GOLGA7: variants seen among roughly 807,000 people sequenced by gnomAD.
The protein encoded by GOLGA7 is golgin A7, also known as golgin subfamily A member 7.
Under a neutral mutation model 21.1 loss-of-function variants are expected in GOLGA7, and 10 were observed. The observed-to-expected ratio is 0.47, with a 90% CI of 0.29 to 0.80. GOLGA7 has a LOEUF of 0.80. Ranked by LOEUF, GOLGA7 falls within the 30% of genes least tolerant of loss-of-function variation. The pLI, the probability that GOLGA7 is intolerant of heterozygous loss-of-function variation, is 0.08. For synonymous variants in GOLGA7, 64 were observed against 62.6 expected (o/e 1.02, Z -0.10); for missense variants, 114 against 166.8 (o/e 0.68, Z 1.74).
chr8:41,490,845 T>C lies in GOLGA7; in HGVS notation c.-10T>C, dbSNP rs781461562. On this transcript the variant is annotated 5_prime_UTR_variant, in exon 1 of 5. Coordinates refer to ENST00000357743, the MANE Select transcript of GOLGA7 (RefSeq NM_001002296.2). ...CCCGACCCCGCAGCGCGGGGTGTCCTGTCCTCGCCATGAGGCCGCAGCAGG... is the reference window on the plus strand; with the variant it reads ...CCCGACCCCGCAGCGCGGGGTGTCCCGTCCTCGCCATGAGGCCGCAGCAGG... The C allele has an allele frequency of 4.5e-6, 7 of 1,542,406 alleles. No individual in the cohort carries two copies. Among genetic ancestry groups the C allele is most frequent in the African/African-American group, 4.1e-5 (3 of 73,474 alleles).
chr8:41,502,827 G>A (rs964677681), intron 2 of GOLGA7, among the ~76,000 whole-genome samples: 1 of 152,080 alleles, frequency 6.6e-6, no homozygotes, highest in East Asian at 1.9e-4. Flanking sequence ...GTTTTGTTGA[G>A]GATTTGAAAG....
At chr8:41,499,571 C>T (rs1239580287) in intron 2 of GOLGA7, among the ~76,000 whole-genome samples, 2 of 152,214 alleles carry the variant, frequency 1.3e-5, no homozygotes, top group East Asian at 1.9e-4. Context: ...GGCCAAACTC[C>T]ACCTGATTCT....
At position 41,503,455 on chromosome 8, in the gene GOLGA7, G is replaced by A. The variant is rs548199509; in HGVS notation, c.265-2456G>A. On this transcript the variant is annotated intron_variant, in intron 2 of 4. Transcript: ENST00000357743. ...GTCAATTTTGGCTTTTGTTGCCATT[G>A]CTTTTGGTGTTTTGGACATGAAGTC... 3.6e-3 allele frequency among the ~76,000 whole-genome samples: 361 copies of A among 101,546 alleles called. 2 individuals carry two copies. Among genetic ancestry groups the A allele is most frequent in the Middle Eastern group, 7.8e-3 (2 of 256 alleles). 66.6% of individuals were successfully genotyped at this position (101,546 alleles called of 152,430 possible). A position where few individuals can be genotyped will look rare whatever the true frequency, so the allele number is the denominator to read the frequency against.
intron 1 of GOLGA7, among the ~76,000 whole-genome samples, chr8:41,495,311 G>T (rs528080527): frequency 1.3e-5 from 2 of 150,972 alleles, no homozygotes; most frequent in Non-Finnish European, 2.9e-5. Flanking sequence ...TTGAGACAGG[G>T]TCTCACTCTG....
intron 4 of GOLGA7, among the ~76,000 whole-genome samples, chr8:41,509,284 G>T (rs1806363425): frequency 6.6e-6 from 1 of 152,230 alleles, no homozygotes; most frequent in East Asian, 1.9e-4. Flanking sequence ...GGAAGCCGAG[G>T]CAGAGAGAAC....
At chr8:41,497,397 CA>C in intron 1 of GOLGA7, 111 bp from the exon 2 acceptor site, 17 of 625,732 alleles carry the variant, frequency 2.7e-5, no homozygotes, top group Non-Finnish European at 3.8e-5. Context: ...ATTTAGTCAC[CA>C]AAAAAATTGT....
intron 1 of GOLGA7, among the ~76,000 whole-genome samples, chr8:41,494,772 A>C (rs893129947): frequency 2.0e-5 from 3 of 152,208 alleles, no homozygotes; most frequent in Admixed American, 6.5e-5. Flanking sequence ...GGTAGAGCCA[A>C]CACCACTTTA....
Position 41,510,700 on chromosome 8 carries a change from G to T in GOLGA7, c.*1132G>T, listed in dbSNP as rs558105177. The T allele has an allele frequency of 1.3e-5, 2 of 152,658 alleles. No homozygotes were observed. Among genetic ancestry groups the T allele is most frequent in the Admixed American group, 6.5e-5 (1 of 15,270 alleles). The allele number at this position is 152,658 out of a possible 1,614,324, so 9.5% of individuals were successfully genotyped here. A position where few individuals can be genotyped will look rare whatever the true frequency, so the allele number is the denominator to read the frequency against. On this transcript the variant is annotated 3_prime_UTR_variant, in exon 5 of 5. Transcript: ENST00000357743. ...TCGTTTATCCTTGGGGTTTGAGAGC[G>T]CTGTATTTGGGAGAGAGTTTAAAAA...
At chr8:41,504,228 CT>C (rs1485202331) in intron 2 of GOLGA7, among the ~76,000 whole-genome samples, 1 of 151,546 alleles carries the variant, frequency 6.6e-6, no homozygotes, top group Non-Finnish European at 1.5e-5. Context: ...GTAACCTGTA[CT>C]CGGAGAAAGG....
chr8:41,494,342 C>T (rs538444803), intron 1 of GOLGA7, among the ~76,000 whole-genome samples: 2 of 152,178 alleles, frequency 1.3e-5, no homozygotes, highest in South Asian at 2.1e-4. Flanking sequence ...TTAGGGTTTC[C>T]GGGATAAACA....
At position 41,500,475 on chromosome 8, in the gene GOLGA7, A is replaced by G. The variant is rs897693498; in HGVS notation, c.264+2814A>G. Among the ~76,000 whole-genome samples, 3 of 152,222 alleles carry G rather than the reference A, an allele frequency of 2.0e-5. No homozygotes were observed. The East Asian group carries it at 5.8e-4, about 29-fold the overall frequency. ...TGATGGGAGGTGGATTTGGAGAGGT[A>G]AGCAGGAGCTGTAACATGGAGTGCC... On this transcript the variant is annotated intron_variant, in intron 2 of 4. Coordinates refer to ENST00000357743, the MANE Select transcript of GOLGA7 (RefSeq NM_001002296.2).
At chr8:41,500,804 G>A (rs1335263211) in intron 2 of GOLGA7, among the ~76,000 whole-genome samples, 1 of 152,170 alleles carries the variant, frequency 6.6e-6, no homozygotes, top group African/African-American at 2.4e-5. Flanking sequence ...AACTAGTCAG[G>A]AAGCTCCACA....
At chr8:41,505,622 G>A (rs1806266005) in intron 2 of GOLGA7, among the ~76,000 whole-genome samples, 1 of 152,182 alleles carries the variant, frequency 6.6e-6, no homozygotes, top group South Asian at 2.1e-4. Context: ...GCAGGATTGA[G>A]GTGACTGAGA....
chr8:41,507,699 T>G (rs926923649), intron 4 of GOLGA7, among the ~76,000 whole-genome samples: 1 of 152,174 alleles, frequency 6.6e-6, no homozygotes, highest in Non-Finnish European at 1.5e-5. Context: ...AAGAAACAAA[T>G]TAATACTACT....
intron 2 of GOLGA7, among the ~76,000 whole-genome samples, chr8:41,504,470 G>A (rs969568507): frequency 6.6e-6 from 1 of 152,186 alleles, no homozygotes; most frequent in Non-Finnish European, 1.5e-5. Context: ...AAACTCTGAT[G>A]TGAAGATAGT....
At chr8:41,502,695 C>T (rs1806178633) in intron 2 of GOLGA7, 1 of 152,210 alleles carries the variant, frequency 6.6e-6, no homozygotes, top group African/African-American at 2.4e-5. Flanking sequence ...GTTACTTAGC[C>T]TCAATCAGGC....
chr8:41,490,944 C>T lies in GOLGA7; in HGVS notation c.90C>T (p.Phe30=), dbSNP rs1297468582. Residue 30 remains phenylalanine (F), a synonymous_variant, in exon 1 of 5, where the codon TTC becomes TTT. Coordinates refer to ENST00000357743, the MANE Select transcript of GOLGA7 (RefSeq NM_001002296.2). Reference sequence around the variant, plus strand: ...CACGCTGCCAGTTCCAGACCAAGTTCCCTGCGGAGCTGGAGAACCGGGTAC... The same window carrying T: ...CACGCTGCCAGTTCCAGACCAAGTTTCCTGCGGAGCTGGAGAACCGGGTAC... ...SGTRCQFQTK[F]PAELENRIDR... is the part of the protein sequence containing the mutation. 1.3e-6 allele frequency: 2 copies of T among 1,581,854 alleles called. No individual in the cohort carries two copies. The highest frequency in any genetic ancestry group is 1.1e-5 in the South Asian group (1 of 87,440).
At chr8:41,504,395 G>T (rs937988349) in intron 2 of GOLGA7, among the ~76,000 whole-genome samples, 1 of 152,100 alleles carries the variant, frequency 6.6e-6, no homozygotes, top group Non-Finnish European at 1.5e-5. Context: ...TTAGAAGATT[G>T]AGAGGCCTTA....
intron 1 of GOLGA7, among the ~76,000 whole-genome samples, chr8:41,496,660 T>A (rs964542902): frequency 8.6e-5 from 13 of 151,998 alleles, no homozygotes; most frequent in African/African-American, 2.9e-4. Context: ...TGCCATTTTT[T>A]TTTTTTTTGC....
Sources: gnomAD v4.1 joint callset for allele counts (sites outside exome capture counted in the v4.1 genomes callset) on GRCh38, gnomAD v4.1.1 for gene constraint, MANE v1.5 for transcripts, NCBI Gene and HGNC (gene_info 2026-07-23, HGNC 2026-07-21) for gene names.